The following SAMMSON variants were observed in gnomAD, a reference collection of about 807,000 sequenced individuals.
SAMMSON encodes the protein survival associated mitochondrial melanoma specific oncogenic non-coding RNA.
chr3:70,071,141 G>A (rs972090066), intron 3 of SAMMSON, among the ~76,000 whole-genome samples: 12 of 151,934 alleles, frequency 7.9e-5, no homozygotes, highest in African/African-American at 2.9e-4. Context: ...ATAGTGAAGG[G>A]GTTGAATTAA....
At chr3:70,245,248 T>G (rs75704861) in intron 4 of SAMMSON, among the ~76,000 whole-genome samples, 1 of 152,118 alleles carries the variant, frequency 6.6e-6, no homozygotes, top group African/African-American at 2.4e-5. Context: ...CAAAAGAAGA[T>G]GAGAATTAGA....
intron 1 of SAMMSON, among the ~76,000 whole-genome samples, chr3:70,011,735 A>G (rs376844945): frequency 6.6e-6 from 1 of 152,002 alleles, no homozygotes; most frequent in East Asian, 1.9e-4. Context: ...CTATAATGCC[A>G]TTCAAACATA....
intron 3 of SAMMSON, among the ~76,000 whole-genome samples, chr3:70,052,137 A>G (rs1013652729): frequency 6.6e-6 from 1 of 152,078 alleles, no homozygotes; most frequent in South Asian, 2.1e-4. Context: ...GAGAGAATTT[A>G]AAATATATAA....
rs190152769 is a variant in SAMMSON, at chr3:70,041,507, G to A, written n.417+27835G>A. On this transcript the variant is annotated intron_variant and non_coding_transcript_variant, in intron 3 of 9. Transcript: ENST00000642114. ...CATCTAAAACATGGTGATAATAGATGAAGTAAATTTAATAATGCTTGTAAA... is the reference window on the plus strand; with the variant it reads ...CATCTAAAACATGGTGATAATAGATAAAGTAAATTTAATAATGCTTGTAAA... 2.9e-4 allele frequency among the ~76,000 whole-genome samples: 44 copies of A among 152,158 alleles called. 1 individual carries two copies. The East Asian group carries it at 8.1e-3, about 28-fold the overall frequency.
At chr3:70,188,883 C>A (rs1192077558) in intron 4 of SAMMSON, among the ~76,000 whole-genome samples, 1 of 152,112 alleles carries the variant, frequency 6.6e-6, no homozygotes, top group Non-Finnish European at 1.5e-5. Flanking sequence ...AGTCTGCAAC[C>A]TTTTTTTCTG....
intron 6 of SAMMSON, among the ~76,000 whole-genome samples, chr3:70,289,950 T>C (rs1297651535): frequency 1.3e-5 from 2 of 152,078 alleles, no homozygotes; most frequent in Non-Finnish European, 2.9e-5. Context: ...TTATTCTAGT[T>C]ATACATTCTT....
intron 4 of SAMMSON, among the ~76,000 whole-genome samples, chr3:70,193,939 C>T (rs981777598): frequency 2.0e-5 from 3 of 152,090 alleles, no homozygotes; most frequent in Non-Finnish European, 4.4e-5. Flanking sequence ...TTTCTTGCTC[C>T]TTTGGAAAAA....
At chr3:70,149,022 C>G (rs1439967067) in intron 4 of SAMMSON, among the ~76,000 whole-genome samples, 1 of 152,016 alleles carries the variant, frequency 6.6e-6, no homozygotes, top group Non-Finnish European at 1.5e-5. Context: ...CATTGCGTCG[C>G]TCACAAAGAA....
chr3:70,065,759 CA>C (rs1438011312), intron 3 of SAMMSON, among the ~76,000 whole-genome samples: 6 of 152,068 alleles, frequency 3.9e-5, no homozygotes, highest in African/African-American at 1.4e-4. Flanking sequence ...GCCACCCCCA[CA>C]ACACACACAC....
intron 6 of SAMMSON, among the ~76,000 whole-genome samples, chr3:70,267,064 A>G (rs1030615622): frequency 2.6e-5 from 4 of 152,144 alleles, no homozygotes; most frequent in African/African-American, 4.8e-5. Flanking sequence ...TGTCGTGCCA[A>G]TGAATGAAGT....
At chr3:70,037,304 G>A (rs971467781) in intron 3 of SAMMSON, among the ~76,000 whole-genome samples, 2 of 152,020 alleles carry the variant, frequency 1.3e-5, no homozygotes, top group African/African-American at 4.8e-5. Context: ...TCATATGATC[G>A]AAGAAGGGTC....
chr3:70,399,476 A>G (rs992947264), intron 2 of SAMMSON, among the ~76,000 whole-genome samples: 5 of 152,208 alleles, frequency 3.3e-5, no homozygotes, highest in African/African-American at 1.2e-4. Flanking sequence ...GATTTTCCCC[A>G]GGATGCAATG....
At chr3:70,272,981 C>G (rs1159288319) in intron 6 of SAMMSON, among the ~76,000 whole-genome samples, 1 of 152,190 alleles carries the variant, frequency 6.6e-6, no homozygotes, top group Non-Finnish European at 1.5e-5. Context: ...ATCTTTTCGG[C>G]TTCAGTCCAG....
chr3:70,320,231 G>A (rs1207288382), intron 7 of SAMMSON, among the ~76,000 whole-genome samples: 1 of 152,084 alleles, frequency 6.6e-6, no homozygotes, highest in Non-Finnish European at 1.5e-5. Flanking sequence ...ATTGGGAGAA[G>A]AAGCAGTGGG....
rs76647112 is a variant in SAMMSON, at chr3:70,318,918, T to G, written n.739+27675T>G. On this transcript the variant is annotated intron_variant and non_coding_transcript_variant, in intron 7 of 9. Transcript: ENST00000642114. ...GGACCTGGTAATTGTGTCCAAGGCATGTTATTTTTTAGGTGTCAAATAAAT... is the reference window on the plus strand; with the variant it reads ...GGACCTGGTAATTGTGTCCAAGGCAGGTTATTTTTTAGGTGTCAAATAAAT... Among the ~76,000 whole-genome samples, 777 of 152,172 alleles carry G rather than the reference T, an allele frequency of 5.1e-3. 32 individuals are homozygous for G. In the East Asian group the frequency reaches 0.09, roughly 18 times the overall value.
At chr3:70,023,939 G>T (rs544218478) in intron 3 of SAMMSON, among the ~76,000 whole-genome samples, 1 of 152,210 alleles carries the variant, frequency 6.6e-6, no homozygotes, top group African/African-American at 2.4e-5. Flanking sequence ...CTCCCAGAAT[G>T]CCCACAGTTT....
chr3:70,422,827 A>C (rs1701323118), intron 2 of SAMMSON, among the ~76,000 whole-genome samples: 1 of 152,056 alleles, frequency 6.6e-6, no homozygotes, highest in Admixed American at 6.5e-5. Context: ...AACTGCAATG[A>C]TATCTTTGAA....
chr3:70,063,449 C>G (rs1238960410), intron 3 of SAMMSON, among the ~76,000 whole-genome samples: 2 of 152,060 alleles, frequency 1.3e-5, no homozygotes, highest in African/African-American at 4.8e-5. Flanking sequence ...GTGGCAGCAG[C>G]CCTAGGTGTT....
downstream of SAMMSON, among the ~76,000 whole-genome samples, chr3:70,393,629 G>T (rs1197345531): frequency 6.6e-6 from 1 of 152,138 alleles, no homozygotes; most frequent in African/African-American, 2.4e-5. Context: ...CTGTGAAAGA[G>T]AATTCAGTGT....
Sources: gnomAD v4.1 joint callset for allele counts (sites outside exome capture counted in the v4.1 genomes callset) on GRCh38, gnomAD v4.1.1 for gene constraint, MANE v1.5 for transcripts, NCBI Gene and HGNC (gene_info 2026-07-23, HGNC 2026-07-21) for gene names.